Variants in SLC39A10 observed in about 807,000 individuals in gnomAD.
SLC39A10 encodes the protein solute carrier family 39 member 10.
Under a neutral mutation model 65.1 loss-of-function variants are expected in SLC39A10, and 13 were observed. The observed-to-expected ratio is 0.20, with a 90% CI of 0.13 to 0.32. The LOEUF is 0.32. Among genes scored for constraint, SLC39A10 ranks in the 10% least tolerant of loss-of-function variants. The pLI, the probability that SLC39A10 is intolerant of heterozygous loss-of-function variation, is 1.00. For missense variants in SLC39A10, 831 were observed against 1,018.4 expected (o/e 0.82, Z 2.50); for synonymous variants, 321 against 342.2 (o/e 0.94, Z 0.68).
Position 195,680,684 on chromosome 2 carries a change from A to C in SLC39A10, c.642A>C (p.Ser214=), listed in dbSNP as rs777218365. The change falls in exon 2 of 10, where the codon TCA becomes TCC. Residue 214 remains serine (S), a synonymous_variant. Transcript: ENST00000359634. ...GTGGGGAGCCTAGCAATGAACCTTCAACAGAGACCAATAAAACCCAGGAAC... is the reference window on the plus strand; with the variant it reads ...GTGGGGAGCCTAGCAATGAACCTTCCACAGAGACCAATAAAACCCAGGAAC... ...SERGEPSNEP[S]TETNKTQEQS... 1 of 1,614,078 alleles carries C rather than the reference A, an allele frequency of 6.2e-7. No individual in the cohort carries two copies. Among genetic ancestry groups the C allele is most frequent in the Non-Finnish European group, 8.5e-7 (1 of 1,180,014 alleles).
At chr2:195,686,245 T>G (rs141920641) in intron 3 of SLC39A10, among the ~76,000 whole-genome samples, 54 of 152,212 alleles carry the variant, frequency 3.5e-4, no homozygotes, top group African/African-American at 1.0e-3. Context: ...TTATTTGAGA[T>G]AGAGATACAA....
rs11685818 is a variant in SLC39A10, at chr2:195,672,276, A to G, written c.-11-7756A>G. On this transcript the variant is annotated intron_variant, in intron 1 of 9. Transcript: ENST00000359634. ...CTGTTAAGTAGCTGGGAGTACAGGC[A>G]TACACCACCACACCAGCTAATTTTT... Among the ~76,000 whole-genome samples the G allele has an allele frequency of 1.6e-3, 244 of 152,174 alleles. 2 individuals carry two copies. Among genetic ancestry groups the G allele is most frequent in the Non-Finnish European group, 2.8e-3 (193 of 67,994 alleles).
At chr2:195,626,272 ATCT>A (rs1299802505) in intron 2 of SLC39A10, among the ~76,000 whole-genome samples, 6 of 152,098 alleles carry the variant, frequency 3.9e-5, no homozygotes, top group Admixed American at 2.6e-4. Flanking sequence ...AGTCTCTGAG[ATCT>A]TCTTATGTTT....
chr2:195,627,453 A>T (rs949362002), intron 2 of SLC39A10, among the ~76,000 whole-genome samples: 1 of 152,144 alleles, frequency 6.6e-6, no homozygotes, highest in Admixed American at 6.6e-5. Context: ...GAGCCACACC[A>T]GCTTCCCACC....
chr2:195,664,660 T>A (rs1408036799), intron 1 of SLC39A10, among the ~76,000 whole-genome samples: 2 of 152,166 alleles, frequency 1.3e-5, no homozygotes, highest in African/African-American at 4.8e-5. Context: ...GACCTTTTAT[T>A]TATTTAAAAA....
At position 195,669,896 on chromosome 2, in the gene SLC39A10, C is replaced by CA. The variant is rs1437973252; in HGVS notation, c.-11-10135dup. Among the ~76,000 whole-genome samples the CA allele has an allele frequency of 5.9e-5, 9 of 152,282 alleles. No individual in the cohort carries two copies. In the South Asian group the frequency reaches 1.0e-3, roughly 18 times the overall value. On this transcript the variant is annotated intron_variant, in intron 1 of 9. Transcript: ENST00000359634. The stretch of plus-strand genomic sequence containing the variant: ...GGTTTTTGAGCTGGGCGCTGTGACT[C>CA]ACACCTGTAATCCCACCACTTTGGG...
intron 1 of SLC39A10, among the ~76,000 whole-genome samples, chr2:195,676,172 AT>A (rs935860650): frequency 9.4e-4 from 142 of 151,754 alleles, no homozygotes; most frequent in African/African-American, 2.9e-3. Context: ...ATGGCTTGCT[AT>A]AAGCTTCCCC....
intron 1 of SLC39A10, among the ~76,000 whole-genome samples, chr2:195,674,313 C>T (rs953559599): frequency 2.0e-5 from 3 of 151,924 alleles, no homozygotes; most frequent in South Asian, 4.2e-4. Flanking sequence ...GTTTTGTTCT[C>T]GTTGCCCAGG....
chr2:195,624,887 CAAAAAAAAAAAA>C (rs60370795), intron 2 of SLC39A10, among the ~76,000 whole-genome samples: 1 of 47,332 alleles, frequency 2.1e-5, no homozygotes, highest in Non-Finnish European at 4.1e-5. Context: ...GACTCCATCT[CAAAAAAAAAAAA>C]AAAAAAAAAA....
At position 195,640,816 on chromosome 2, in the gene SLC39A10, A is replaced by T. The variant is rs187026929; in HGVS notation, c.-12+34583A>T. 1.4e-3 allele frequency among the ~76,000 whole-genome samples: 220 copies of T among 152,338 alleles called. 1 individual carries two copies. Among genetic ancestry groups the T allele is most frequent in the African/African-American group, 5.2e-3 (215 of 41,586 alleles). The stretch of plus-strand genomic sequence containing the variant: ...TTAACTGATGAAGTTTTAAAATTTA[A>T]CTGGGGGCAAAAAAAGCGAGAGAGA... On this transcript the variant is annotated intron_variant, in intron 2 of 2. Transcript: ENST00000458054.
chr2:195,653,067 G>A (rs1420611924), upstream of SLC39A10, among the ~76,000 whole-genome samples: 2 of 152,072 alleles, frequency 1.3e-5, no homozygotes, highest in African/African-American at 2.4e-5. Flanking sequence ...CCAGTCTCTG[G>A]TGCCAAAAAA....
chr2:195,620,692 C>T (rs1364906637), intron 2 of SLC39A10, among the ~76,000 whole-genome samples: 3 of 152,164 alleles, frequency 2.0e-5, no homozygotes, highest in Admixed American at 6.5e-5. Flanking sequence ...ACACTGTCAG[C>T]GCCCCTTCAA....
chr2:195,719,603 T>TG (rs1691944870), intron 8 of SLC39A10, among the ~76,000 whole-genome samples: 1 of 151,934 alleles, frequency 6.6e-6, no homozygotes, highest in South Asian at 2.1e-4. Flanking sequence ...TCCCAGCACT[T>TG]GGCATTAACT....
chr2:195,694,257 A>G (rs1690851445), intron 3 of SLC39A10, among the ~76,000 whole-genome samples: 1 of 152,184 alleles, frequency 6.6e-6, no homozygotes, highest in Admixed American at 6.5e-5. Flanking sequence ...GTGCTGATGA[A>G]TAGAATGTAT....
chr2:195,632,584 AG>A (rs1437748801), intron 2 of SLC39A10, among the ~76,000 whole-genome samples: 1 of 152,176 alleles, frequency 6.6e-6, no homozygotes, highest in African/African-American at 2.4e-5. Flanking sequence ...CTGGGATTAC[AG>A]GCATGAGCCA....
At chr2:195,669,030 G>A (rs1018852496) in intron 1 of SLC39A10, among the ~76,000 whole-genome samples, 11 of 150,472 alleles carry the variant, frequency 7.3e-5, no homozygotes, top group African/African-American at 2.4e-4. Flanking sequence ...AGCCGAGATC[G>A]TGCCACTGTG....
intron 2 of SLC39A10, among the ~76,000 whole-genome samples, chr2:195,649,365 T>C (rs543236905): frequency 1.3e-5 from 2 of 152,350 alleles, no homozygotes; most frequent in Admixed American, 6.5e-5. Context: ...TTTGCTGCAT[T>C]GTTGCCATCA....
chr2:195,633,943 C>A (rs1164125278), intron 2 of SLC39A10, among the ~76,000 whole-genome samples: 1 of 152,196 alleles, frequency 6.6e-6, no homozygotes, highest in Non-Finnish European at 1.5e-5. Flanking sequence ...TGGGGCTTCG[C>A]CAGGGACCCT....
intron 9 of SLC39A10, among the ~76,000 whole-genome samples, chr2:195,733,110 T>C (rs912580223): frequency 9.2e-5 from 14 of 152,306 alleles, no homozygotes; most frequent in African/African-American, 3.1e-4. Flanking sequence ...ATTGTACCCA[T>C]TATTTAATAA....
Sources: gnomAD v4.1 joint callset for allele counts (sites outside exome capture counted in the v4.1 genomes callset) on GRCh38, gnomAD v4.1.1 for gene constraint, MANE v1.5 for transcripts, NCBI Gene and HGNC (gene_info 2026-07-23, HGNC 2026-07-21) for gene names.